SYNE2: variants seen among roughly 807,000 people sequenced by gnomAD.
SYNE2 encodes nesprin-2.
A neutral mutation model predicts 856.3 loss-of-function variants in SYNE2; 431 were observed. The observed-to-expected ratio is 0.50, with a 90% confidence interval of 0.47 to 0.55. The LOEUF (loss-of-function observed/expected upper bound fraction) is 0.55, where lower values mean the gene tolerates loss of function less well. Among genes scored for constraint, SYNE2 ranks in the 20% least tolerant of loss-of-function variants. The pLI, the probability that SYNE2 is intolerant of heterozygous loss-of-function variation, is 0.00. For synonymous variants in SYNE2, 2,923 were observed against 2,872.3 expected, an observed-to-expected ratio of 1.02 and a Z score of -0.56; for missense variants, 8,129 against 8,023.2, an observed-to-expected ratio of 1.01 and a Z score of -0.50.
At chr14:63,877,202 G>C (rs1028150182) in intron 1 of SYNE2, among the ~76,000 whole-genome samples, 7 of 152,134 alleles carry the variant, frequency 4.6e-5, no homozygotes, top group African/African-American at 1.7e-4. Context: ...CCTTCAGGGA[G>C]AGACAAAAAG....
In SYNE2 at chr14:64,158,799, A is replaced by C; in HGVS notation, c.15963+4A>C. On this transcript the variant is annotated splice_donor_region_variant and intron_variant, in intron 86 of 115. Coordinates refer to ENST00000555002, the MANE Select transcript of SYNE2 (RefSeq NM_182914.3). ...ATGCCAGGTGGAGAACCTTCAGGTAAATTAACCAGAGCTTGGCATGGTGCA... is the reference window on the plus strand; with the variant it reads ...ATGCCAGGTGGAGAACCTTCAGGTACATTAACCAGAGCTTGGCATGGTGCA... 1.9e-6 allele frequency: 3 copies of C among 1,613,762 alleles called. No homozygotes were observed. The highest frequency in any genetic ancestry group is 2.5e-6 in the Non-Finnish European group (3 of 1,179,778).
chr14:63,973,467 A>T (rs1255341175), intron 11 of SYNE2, among the ~76,000 whole-genome samples: 4 of 151,842 alleles, frequency 2.6e-5, no homozygotes, highest in Non-Finnish European at 5.9e-5. Flanking sequence ...CCTCGTCTCT[A>T]CTAAAAACAC....
At chr14:64,158,885 C>A in intron 86 of SYNE2, 90 bp downstream of exon 86, 1 of 1,382,410 alleles carries the variant, frequency 7.2e-7, no homozygotes, top group Non-Finnish European at 1.0e-6. Context: ...GTGTTTGTGC[C>A]CTCCCACAGA....
Position 64,214,191 on chromosome 14 carries a change from T to TAGGGCTTGGAAGATGAAAAGG in SYNE2, c.19058_19078dup. 1 of 1,614,172 alleles carries TAGGGCTTGGAAGATGAAAAGG rather than the reference T, an allele frequency of 6.2e-7. No homozygotes were observed. Among genetic ancestry groups the TAGGGCTTGGAAGATGAAAAGG allele is most frequent in the Non-Finnish European group, 8.5e-7 (1 of 1,180,036 alleles). ...ATTCTAACAACTGGATACTGTGGTT[T>TAGGGCTTGGAAGATGAAAAGG]AGGGCTTGGAAGATGAAAAGGAGGC... is the stretch of plus-strand genomic sequence containing the variant. On this transcript the variant is annotated splice_polypyrimidine_tract_variant and splice_region_variant and intron_variant, in intron 105 of 115. Coordinates refer to ENST00000555002, the MANE Select transcript of SYNE2 (RefSeq NM_182914.3).
At chr14:63,823,443 C>T (rs1889302851) in intron 1 of SYNE2, among the ~76,000 whole-genome samples, 1 of 152,096 alleles carries the variant, frequency 6.6e-6, no homozygotes, top group Non-Finnish European at 1.5e-5. Flanking sequence ...TCCCAAAGTG[C>T]TGGGATTACA....
At chr14:64,020,197 A>G (rs373500373) in intron 35 of SYNE2, 104 bp downstream of exon 35, 2 of 810,360 alleles carry the variant, frequency 2.5e-6, no homozygotes, top group East Asian at 5.1e-5. Context: ...TGTCTCTAAA[A>G]GAAGAAAAAA....
In SYNE2 at chr14:63,990,541, A is replaced by G; in HGVS notation, c.2444A>G (p.Lys815Arg). The change falls in exon 20 of 116, where the codon AAG becomes AGG. Residue 815 changes from lysine to arginine, a missense_variant. By Grantham distance (26) the Lys-to-Arg change is conservative (BLOSUM62 2). This residue lies in a region of SYNE2 where 2,422 missense variants were observed against 2,357.4 expected (regional missense o/e 1.03). Coordinates refer to ENST00000555002, the MANE Select transcript of SYNE2 (RefSeq NM_182914.3). ...GTTCTCACAACTGGGCTTCAGGCAA[A>G]GATTCAAGAAGCTAAAGAGAAAGTC... is the stretch of plus-strand genomic sequence containing the variant. ...QHVLTTGLQAKIQEAKEKVQI... is the reference protein window; with the variant it reads ...QHVLTTGLQARIQEAKEKVQI... The G allele has an allele frequency of 3.7e-6, 6 of 1,614,020 alleles. No homozygotes were observed. The highest frequency in any genetic ancestry group is 5.1e-6 in the Non-Finnish European group (6 of 1,179,962).
chr14:64,080,773 C>T, intron 56 of SYNE2, 135 bp downstream of exon 56: 2 of 1,076,928 alleles, frequency 1.9e-6, no homozygotes, highest in Non-Finnish European at 1.4e-6. Flanking sequence ...CCATGGTAGG[C>T]TTGTGTGGGT....
intron 100 of SYNE2, among the ~76,000 whole-genome samples, chr14:64,205,413 C>G (rs1325358148): frequency 1.3e-5 from 2 of 152,138 alleles, no homozygotes; most frequent in African/African-American, 2.4e-5. Context: ...AAAACCTTAC[C>G]TAGTGACCAT....
At chr14:63,870,818 A>G (rs1226723033) in intron 1 of SYNE2, among the ~76,000 whole-genome samples, 1 of 152,152 alleles carries the variant, frequency 6.6e-6, no homozygotes, top group Non-Finnish European at 1.5e-5. Flanking sequence ...ATGTATGCAC[A>G]CGGAGTATTA....
chr14:64,220,417 A>G lies in SYNE2; in HGVS notation c.19861-20A>G. 2.5e-6 allele frequency: 4 copies of G among 1,614,058 alleles called. No homozygotes were observed. The highest frequency in any genetic ancestry group is 3.4e-6 in the Non-Finnish European group (4 of 1,179,870). ...CCCTACTTTCAGAGCTCCTAACCTCATCTTTTCTCTCTCTGGTAGGAGATA... is the reference window on the plus strand; with the variant it reads ...CCCTACTTTCAGAGCTCCTAACCTCGTCTTTTCTCTCTCTGGTAGGAGATA... On this transcript the variant is annotated intron_variant, in intron 110 of 115. Coordinates refer to ENST00000555002, the MANE Select transcript of SYNE2 (RefSeq NM_182914.3).
At chr14:63,809,029 T>C (rs1888501668) in intron 1 of SYNE2, among the ~76,000 whole-genome samples, 1 of 152,026 alleles carries the variant, frequency 6.6e-6, no homozygotes, top group South Asian at 2.1e-4. Context: ...GTCTCAAAAA[T>C]GAACAAACAA....
chr14:64,048,874 A>C (rs1214538091), intron 46 of SYNE2: 1 of 150,508 alleles, frequency 6.6e-6, no homozygotes, highest in Admixed American at 6.7e-5. Flanking sequence ...GTGGCACTGC[A>C]TTCCAGCCTA....
intron 1 of SYNE2, among the ~76,000 whole-genome samples, chr14:63,811,609 A>T (rs192502993): frequency 6.6e-6 from 1 of 152,218 alleles, no homozygotes; most frequent in Non-Finnish European, 1.5e-5. Context: ...TTAAAGAACT[A>T]AAGTTGACTA....
At chr14:63,867,964 C>T (rs7149609) in intron 1 of SYNE2, among the ~76,000 whole-genome samples, 80,948 of 151,820 alleles carry the variant, frequency 0.53, 22,917 homozygotes, top group South Asian at 0.69. Context: ...GTGGGAAGAT[C>T]GCTCGAGCCC....
chr14:63,960,956 T>G (rs141686108), intron 8 of SYNE2: 1 of 542,764 alleles, frequency 1.8e-6, no homozygotes, highest in East Asian at 2.9e-5. Context: ...CAAACTTATT[T>G]CACCATGGAC....
intron 1 of SYNE2, among the ~76,000 whole-genome samples, chr14:63,866,443 G>A (rs11625693): frequency 0.057 from 8,691 of 152,180 alleles, 361 homozygotes; most frequent in Non-Finnish European, 0.093. Flanking sequence ...TGGGAAAATC[G>A]CTTGAGCCCA....
intron 99 of SYNE2, among the ~76,000 whole-genome samples, chr14:64,199,958 CCAAG>C (rs1367536575): frequency 1.3e-5 from 2 of 152,080 alleles, no homozygotes; most frequent in African/African-American, 2.4e-5. Context: ...CCTGGGGAAA[CCAAG>C]CAAATTATTC....
chr14:63,794,656 C>T (rs1226637268), intron 1 of SYNE2, among the ~76,000 whole-genome samples: 1 of 152,088 alleles, frequency 6.6e-6, no homozygotes, highest in Admixed American at 6.6e-5. Context: ...TGAAAATGTG[C>T]TCAATTAATA....
Sources: gnomAD v4.1 joint callset for allele counts (sites outside exome capture counted in the v4.1 genomes callset) on GRCh38, gnomAD v4.1.1 for gene constraint, gnomAD v4.1.1 regional missense constraint, MANE v1.5 for transcripts, NCBI Gene and HGNC (gene_info 2026-07-23, HGNC 2026-07-21) for gene names.